MTOR: variants seen among roughly 807,000 people sequenced by gnomAD.
MTOR encodes serine/threonine-protein kinase mTOR.
A neutral mutation model predicts 319.8 loss-of-function variants in MTOR; 70 were observed. The observed-to-expected ratio is 0.22, with a 90% CI of 0.18 to 0.27. The LOEUF (loss-of-function observed/expected upper bound fraction) is 0.27. MTOR is among the 10% of genes least tolerant of loss of function. The pLI is 1.00. For missense variants in MTOR, 1,890 were observed against 3,274.4 expected (o/e 0.58, Z 10.32); for synonymous variants, 1,183 against 1,211.4 (o/e 0.98, Z 0.49).
At chr1:11,125,285 A>T (rs1034920586) in intron 46 of MTOR, among the ~76,000 whole-genome samples, 3 of 152,052 alleles carry the variant, frequency 2.0e-5, no homozygotes, top group Non-Finnish European at 4.4e-5. Flanking sequence ...TTCCTTTCTT[A>T]AACTCTCTTT....
intron 34 of MTOR, among the ~76,000 whole-genome samples, chr1:11,142,456 T>C (rs1643759456): frequency 6.6e-6 from 1 of 150,750 alleles, no homozygotes; most frequent in Non-Finnish European, 1.5e-5. Flanking sequence ...GCCTGGCTAA[T>C]TTTTGTATTT....
intron 33 of MTOR, 28 bp from the exon 34 acceptor site, chr1:11,144,783 T>G: frequency 6.3e-7 from 1 of 1,594,742 alleles, no homozygotes; most frequent in Non-Finnish European, 8.6e-7. Context: ...CATTCCAAAC[T>G]AATTACTGCA....
At position 11,139,454 on chromosome 1, in the gene MTOR, T is replaced by C. The variant is rs1215939715; in HGVS notation, c.4999-19A>G. ...CAAGAGCCTTAAAAATAAGAGAAAC[T>C]GGGTTATAGACAGAACTGGACAGCC... On this transcript the variant is annotated intron_variant, in intron 35 of 57. Transcript: ENST00000361445. The C allele has an allele frequency of 4.3e-6, 7 of 1,613,818 alleles. No homozygotes were observed. Among genetic ancestry groups the C allele is most frequent in the Non-Finnish European group, 5.9e-6 (7 of 1,179,946 alleles).
At chr1:11,216,727 T>C (rs182703984) in intron 19 of MTOR, among the ~76,000 whole-genome samples, 1 of 152,050 alleles carries the variant, frequency 6.6e-6, no homozygotes, top group African/African-American at 2.4e-5. Flanking sequence ...TCAGAGGTTT[T>C]TACACACAAG....
rs541398415 is a variant in MTOR, at chr1:11,201,817, A to AT, written c.3945-2115dup. ...TAGAAGTTTTATAAACCAAAAAAAA[A>AT]TTTTTTTGAGATGCAGTCTTGCTCT... On this transcript the variant is annotated intron_variant, in intron 26 of 57. Transcript: ENST00000361445. Among the ~76,000 whole-genome samples the AT allele has an allele frequency of 1.6e-4, 25 of 152,172 alleles. 1 individual carries two copies. The East Asian group carries it at 4.6e-3, about 28-fold the overall frequency.
intron 3 of MTOR, among the ~76,000 whole-genome samples, chr1:11,258,107 CAA>C (rs35956330): frequency 2.2e-5 from 3 of 136,126 alleles, no homozygotes; most frequent in African/African-American, 2.9e-5. Flanking sequence ...GACTCCATCT[CAA>C]AAAAAAAAAA....
intron 25 of MTOR, among the ~76,000 whole-genome samples, chr1:11,207,556 G>A (rs1259301543): frequency 6.6e-6 from 1 of 150,648 alleles, no homozygotes; most frequent in African/African-American, 2.4e-5. Context: ...CTACAGGCAG[G>A]TGCCACTCTG....
intron 28 of MTOR, chr1:11,190,038 A>C: frequency 6.7e-7 from 1 of 1,482,274 alleles, no homozygotes; most frequent in Non-Finnish European, 9.0e-7. Context: ...CATCAGAACC[A>C]CTACTGGGGC....
intron 30 of MTOR, among the ~76,000 whole-genome samples, chr1:11,152,661 C>G (rs1410974281): frequency 3.3e-5 from 5 of 152,132 alleles, no homozygotes; most frequent in African/African-American, 1.2e-4. Flanking sequence ...CTCCTGGAGG[C>G]AGATAAGAAT....
In MTOR at chr1:11,247,836, C is replaced by T. The variant is rs1161509979; in HGVS notation, c.1099G>A (p.Glu367Lys). The T allele has an allele frequency of 6.2e-7, 1 of 1,613,502 alleles. No individual in the cohort carries two copies. The highest frequency in any genetic ancestry group is 8.5e-7 in the Non-Finnish European group (1 of 1,179,552). The part of the protein sequence containing the change: ...VESRCCRDLM[E>K]EKFDQVCQWV... Reference sequence around the variant, plus strand: ...CCACTTACCTGATCAAATTTCTCCTCCATCAAGTCTCTGCAACACCGGCTC... The same window carrying T: ...CCACTTACCTGATCAAATTTCTCCTTCATCAAGTCTCTGCAACACCGGCTC... The change falls in exon 7 of 58, where the codon GAG becomes AAG. Residue 367 changes from glutamate to lysine, a missense_variant. Physicochemically the swap from Glu to Lys is moderately conservative, Grantham distance 56 (BLOSUM62 1). Transcript: ENST00000361445.
At chr1:11,194,641 T>C (rs182647808) in intron 28 of MTOR, 14 of 1,614,116 alleles carry the variant, frequency 8.7e-6, no homozygotes, top group Admixed American at 1.7e-5. Flanking sequence ...CTTGGACAAG[T>C]GTGCACAGCT....
At chr1:11,227,143 C>CA (rs1646866244) in intron 19 of MTOR, among the ~76,000 whole-genome samples, 1 of 151,002 alleles carries the variant, frequency 6.6e-6, no homozygotes, top group African/African-American at 2.4e-5. Flanking sequence ...ACTAAAAATA[C>CA]AAAAATTAGC....
chr1:11,173,599 T>C (rs7527196), intron 28 of MTOR, among the ~76,000 whole-genome samples: 4,546 of 152,248 alleles, frequency 0.03, 175 homozygotes, highest in Admixed American at 0.071. Flanking sequence ...ACTCTCTTGA[T>C]TGTTCAAAGA....
At chr1:11,258,731 T>A (rs979520235) in intron 2 of MTOR, 138 bp from the exon 3 acceptor site, 225 of 618,680 alleles carry the variant, frequency 3.6e-4, no homozygotes, top group Non-Finnish European at 6.2e-4. Flanking sequence ...ACTGCCCATT[T>A]CTATAGGATT....
chr1:11,195,103 G>A (rs1390524571), intron 28 of MTOR: 25 of 1,448,736 alleles, frequency 1.7e-5, no homozygotes, highest in Non-Finnish European at 2.4e-5. Context: ...CAGGAAGAGA[G>A]TGTTAGAAAG....
chr1:11,241,990 G>A (rs1648103711), intron 9 of MTOR, among the ~76,000 whole-genome samples: 1 of 152,300 alleles, frequency 6.6e-6, no homozygotes, highest in African/African-American at 2.4e-5. Context: ...GAAGAGAGCT[G>A]AACAATGTGT....
intron 18 of MTOR, among the ~76,000 whole-genome samples, chr1:11,229,440 A>G (rs958466125): frequency 2.6e-5 from 4 of 152,106 alleles, no homozygotes; most frequent in African/African-American, 7.2e-5. Context: ...TAACATGAAG[A>G]GTGCAGCGAG....
At chr1:11,213,918 A>C (rs1012100615) in intron 20 of MTOR, among the ~76,000 whole-genome samples, 6 of 152,096 alleles carry the variant, frequency 3.9e-5, no homozygotes, top group Non-Finnish European at 8.8e-5. Context: ...TTCTCCTTCC[A>C]TGATCCACTT....
rs182643852 is a variant in MTOR at position 11,254,245 on chromosome 1, T to C, written c.706-272A>G. Among the ~76,000 whole-genome samples the C allele has an allele frequency of 6.0e-3, 918 of 152,188 alleles. 15 individuals are homozygous for C. The highest frequency in any genetic ancestry group is 0.021 in the African/African-American group (871 of 41,512). On this transcript the variant is annotated intron_variant, in intron 5 of 57. Coordinates refer to ENST00000361445, the MANE Select transcript of MTOR (RefSeq NM_004958.4). ...ACCTCCACCTCCTGGGTTCAAGTGA[T>C]TCTCCTGCCTCAGCCCCCTGAGTAG...
Sources: allele counts gnomAD v4.1 joint callset (sites outside exome capture counted in the v4.1 genomes callset), GRCh38; gene constraint gnomAD v4.1.1; transcripts MANE v1.5; gene names NCBI Gene and HGNC (gene_info 2026-07-23, HGNC 2026-07-21).